Variants in DPM1 observed in about 807,000 individuals in gnomAD.
DPM1 encodes the protein dolichol-phosphate mannosyltransferase subunit 1.
In DPM1, 27 loss-of-function variants were observed where a neutral mutation model predicts 39.0. The ratio of observed to expected loss-of-function variants is 0.69; its 90% CI spans 0.51 to 0.95. The LOEUF is 0.95. Ranked by LOEUF, DPM1 falls within the 40% of genes least tolerant of loss-of-function variation. DPM1 has a pLI of 0.00. For synonymous variants in DPM1, 124 were observed against 109.0 expected, an observed-to-expected ratio of 1.14 and a Z score of -0.86; for missense variants, 307 against 315.6, an observed-to-expected ratio of 0.97 and a Z score of 0.21.
chr20:50,955,755 G>T (rs550943161), intron 1 of DPM1, among the ~76,000 whole-genome samples: 2 of 152,058 alleles, frequency 1.3e-5, no homozygotes. Flanking sequence ...AGTAGAGACG[G>T]GGTTTCACCG....
intron 5 of DPM1, among the ~76,000 whole-genome samples, chr20:50,943,695 TC>T (rs1986062890): frequency 1.3e-5 from 2 of 148,714 alleles, no homozygotes; most frequent in East Asian, 4.1e-4. Context: ...CTGCTTAGAC[TC>T]CCCAAAATGG....
At chr20:50,951,652 G>A (rs1267935785) in intron 2 of DPM1, among the ~76,000 whole-genome samples, 1 of 152,116 alleles carries the variant, frequency 6.6e-6, no homozygotes, top group Non-Finnish European at 1.5e-5. Context: ...AGCCAGCATG[G>A]TGGTGCAGGT....
intron 7 of DPM1, among the ~76,000 whole-genome samples, chr20:50,937,862 G>C (rs776726949): frequency 6.6e-6 from 1 of 151,902 alleles, no homozygotes; most frequent in Non-Finnish European, 1.5e-5. Context: ...TTTTTGTAGA[G>C]ACGGAGACTC....
In DPM1 at chr20:50,943,053, G is replaced by A. The variant is rs1985986808; in HGVS notation, c.399-927C>T. 1.3e-5 allele frequency among the ~76,000 whole-genome samples: 2 copies of A among 152,104 alleles called. 1 individual carries two copies. The highest frequency in any genetic ancestry group is 3.9e-4 in the East Asian group (2 of 5,122). ...TAGCCAGGTGTAGTGGCACGTGCCT[G>A]TATTCCCAGCTCCTCTGGAGGCTGA... On this transcript the variant is annotated intron_variant, in intron 5 of 8. Transcript: ENST00000371588.
At position 50,957,830 on chromosome 20, in the gene DPM1, G is replaced by A. The variant is rs183862705; in HGVS notation, c.161+533C>T. ...TCGAACTCCACCCACCCCCCATCCCGGTTCTAACAATCACACCAAACATCC... is the reference window on the plus strand; with the variant it reads ...TCGAACTCCACCCACCCCCCATCCCAGTTCTAACAATCACACCAAACATCC... On this transcript the variant is annotated intron_variant, in intron 1 of 8. Transcript: ENST00000371588. 1.9e-3 allele frequency among the ~76,000 whole-genome samples: 282 copies of A among 151,952 alleles called. 2 individuals carry two copies. The highest frequency in any genetic ancestry group is 2.1e-3 in the Admixed American group (32 of 15,276).
chr20:50,948,681 G>T lies in DPM1; in HGVS notation c.262-19C>A, dbSNP rs1261680228. On this transcript the variant is annotated intron_variant, in intron 2 of 8. Coordinates refer to ENST00000371588, the MANE Select transcript of DPM1 (RefSeq NM_003859.3). ...TTAGAAGCTGTAGGAATAAGAAATAGCATTTTACACACAGAAACAGAAATC... is the reference window on the plus strand; with the variant it reads ...TTAGAAGCTGTAGGAATAAGAAATATCATTTTACACACAGAAACAGAAATC... 1 of 1,610,892 alleles carries T rather than the reference G, an allele frequency of 6.2e-7. No individual in the cohort carries two copies. Among genetic ancestry groups the T allele is most frequent in the Admixed American group, 1.7e-5 (1 of 60,010 alleles).
At chr20:50,954,181 A>T (rs1205609091) in intron 2 of DPM1, among the ~76,000 whole-genome samples, 8 of 152,108 alleles carry the variant, frequency 5.3e-5, no homozygotes, top group Non-Finnish European at 1.0e-4. Flanking sequence ...GCTTTTTTTT[A>T]AAATGATTAA....
In DPM1 at chr20:50,938,474, C is replaced by A. The variant is rs576483248; in HGVS notation, c.564-2212G>T. On this transcript the variant is annotated intron_variant, in intron 7 of 8. Transcript: ENST00000371588. ...CTCGGCTCACTGCAAGCTCTGCCTCCCAGGTTCACGCCATTCTCCTGCCTC... is the reference window on the plus strand; with the variant it reads ...CTCGGCTCACTGCAAGCTCTGCCTCACAGGTTCACGCCATTCTCCTGCCTC... 2.7e-3 allele frequency among the ~76,000 whole-genome samples: 407 copies of A among 151,528 alleles called. 6 individuals are homozygous for A. Among genetic ancestry groups the A allele is most frequent in the South Asian group, 0.019 (90 of 4,782 alleles).
chr20:50,940,270 G>T (rs1028919580), intron 7 of DPM1, among the ~76,000 whole-genome samples: 1 of 151,848 alleles, frequency 6.6e-6, no homozygotes, highest in Admixed American at 6.6e-5. Context: ...TAGATGCAGG[G>T]GCATTTTATA....
intron 3 of DPM1, among the ~76,000 whole-genome samples, 158 bp from the exon 4 acceptor site, chr20:50,946,081 T>C (rs896309386): frequency 2.0e-5 from 3 of 152,252 alleles, no homozygotes; most frequent in African/African-American, 7.2e-5. Flanking sequence ...CATAAGTTCA[T>C]GTATATTACA....
rs561027147 is a variant in DPM1 at position 50,958,324 on chromosome 20, C to A, written c.161+39G>T. ...CCGACACCCGGGCCGGGGAAGCCAG[C>A]TCATCTCATTCTTCGGGGAGGGAGA... is the stretch of plus-strand genomic sequence containing the variant. On this transcript the variant is annotated intron_variant, in intron 1 of 8. Transcript: ENST00000371588. 8 of 1,608,544 alleles carry A rather than the reference C, an allele frequency of 5.0e-6. No individual in the cohort carries two copies. In the South Asian group the frequency reaches 8.8e-5, roughly 18 times the overall value.
At chr20:50,950,468 C>G (rs763312912) in intron 2 of DPM1, among the ~76,000 whole-genome samples, 3 of 152,144 alleles carry the variant, frequency 2.0e-5, no homozygotes, top group Admixed American at 6.5e-5. Context: ...TAATTTCTGA[C>G]AAAATACTGA....
intron 3 of DPM1, among the ~76,000 whole-genome samples, chr20:50,947,277 A>T (rs1568768869): frequency 6.6e-6 from 1 of 152,244 alleles, no homozygotes; most frequent in Non-Finnish European, 1.5e-5. Flanking sequence ...AGGCTGAGGC[A>T]CAAGAATGGC....
intron 5 of DPM1, among the ~76,000 whole-genome samples, chr20:50,943,521 G>A (rs981348381): frequency 6.6e-6 from 1 of 151,556 alleles, no homozygotes; most frequent in African/African-American, 2.4e-5. Context: ...CATCATGCCC[G>A]GCTAATTTTT....
intron 1 of DPM1, among the ~76,000 whole-genome samples, chr20:50,955,754 G>A (rs1986793849): frequency 6.6e-6 from 1 of 152,010 alleles, no homozygotes; most frequent in African/African-American, 2.4e-5. Flanking sequence ...TAGTAGAGAC[G>A]GGGTTTCACC....
At chr20:50,952,991 G>A (rs908240497) in intron 2 of DPM1, among the ~76,000 whole-genome samples, 1 of 152,106 alleles carries the variant, frequency 6.6e-6, no homozygotes, top group Admixed American at 6.5e-5. Flanking sequence ...GTGAGGTGAT[G>A]GACAGGTTCA....
At chr20:50,950,546 G>C (rs1568771237) in intron 2 of DPM1, among the ~76,000 whole-genome samples, 1 of 152,262 alleles carries the variant, frequency 6.6e-6, no homozygotes, top group East Asian at 1.9e-4. Flanking sequence ...CTACAACTCT[G>C]TTTTAGCTGG....
chr20:50,945,016 C>G (rs540358121), intron 5 of DPM1: 1 of 152,318 alleles, frequency 6.6e-6, no homozygotes, highest in African/African-American at 2.4e-5. Flanking sequence ...TAAATAATAT[C>G]TCCTTTAGCA....
At chr20:50,939,524 G>A (rs1038188403) in intron 7 of DPM1, among the ~76,000 whole-genome samples, 2 of 151,918 alleles carry the variant, frequency 1.3e-5, no homozygotes, top group South Asian at 2.1e-4. Flanking sequence ...AGTAGAGACA[G>A]GGTTTCACTG....
Sources: allele counts gnomAD v4.1 joint callset (sites outside exome capture counted in the v4.1 genomes callset), GRCh38; gene constraint gnomAD v4.1.1; transcripts MANE v1.5; gene names NCBI Gene and HGNC (gene_info 2026-07-23, HGNC 2026-07-21).